RINT1: variants seen among roughly 807,000 people sequenced by gnomAD.
The protein encoded by RINT1 is RAD50-interacting protein 1.
RINT1 carries 75 observed loss-of-function variants against 97.7 expected under a neutral mutation model. The ratio of observed to expected loss-of-function variants is 0.77; its 90% CI spans 0.64 to 0.93. The LOEUF is 0.93. Ranked by LOEUF, RINT1 falls within the 40% of genes least tolerant of loss-of-function variation. The pLI is 0.00. For missense variants in RINT1, 892 were observed against 925.2 expected, an observed-to-expected ratio of 0.96 and a Z score of 0.47; for synonymous variants, 303 against 326.3, an observed-to-expected ratio of 0.93 and a Z score of 0.77.
rs1330918441 is a variant in RINT1, at chr7:105,547,003, A to T, written c.609A>T (p.Glu203Asp). The T allele has an allele frequency of 1.6e-5, 26 of 1,613,886 alleles. No homozygotes were observed. Among genetic ancestry groups the T allele is most frequent in the Non-Finnish European group, 2.0e-5 (24 of 1,179,876 alleles). ...CAGAACTTGACATTAAACTTCAGGA[A>T]TCATCTTGTACTCATCTTCTTGGTT... ...SMAELDIKLQ[E>D]SSCTHLLGFM... Residue 203 changes from glutamate to aspartate, a missense_variant, in exon 5 of 15, where the codon GAA (glutamate) becomes GAT (aspartate). Coordinates refer to ENST00000257700, the MANE Select transcript of RINT1 (RefSeq NM_021930.6).
At chr7:105,542,207 T>TC in intron 3 of RINT1, 3 of 511,194 alleles carry the variant, frequency 5.9e-6, no homozygotes, top group Non-Finnish European at 6.9e-6. Context: ...TAGTGGTGCA[T>TC]ATGTGTAGTC....
chr7:105,557,473 G>A (rs1430376420), intron 11 of RINT1, among the ~76,000 whole-genome samples: 1 of 151,862 alleles, frequency 6.6e-6, no homozygotes, highest in African/African-American at 2.4e-5. Flanking sequence ...AATAAAACAG[G>A]AAATAAAAGC....
intron 3 of RINT1, among the ~76,000 whole-genome samples, chr7:105,539,577 C>G (rs886066198): frequency 1.3e-5 from 2 of 152,044 alleles, no homozygotes; most frequent in African/African-American, 4.8e-5. Context: ...TCAGGTTGGT[C>G]TCAAACTCCC....
intron 7 of RINT1, 120 bp from the exon 8 acceptor site, chr7:105,549,935 T>C (rs913916708): frequency 1.6e-6 from 1 of 620,222 alleles, no homozygotes; most frequent in African/African-American, 1.8e-5. Flanking sequence ...TGCTCTTACA[T>C]ACAGGAATTT....
chr7:105,532,225 G>A lies in RINT1; in HGVS notation c.-91G>A. ...TGTGGCACTCAGTCCTACGGCCTCC[G>A]AGGCTGGGTAGTGAGTGTGTCGCTG... On this transcript the variant is annotated 5_prime_UTR_variant, in exon 1 of 15. Coordinates refer to ENST00000257700, the MANE Select transcript of RINT1 (RefSeq NM_021930.6). The A allele has an allele frequency of 7.0e-7, 1 of 1,426,684 alleles. No individual in the cohort carries two copies. The highest frequency in any genetic ancestry group is 9.5e-7 in the Non-Finnish European group (1 of 1,054,542). 88.4% of individuals were successfully genotyped at this position (1,426,684 alleles called of 1,614,324 possible).
chr7:105,566,051 C>A (rs1195350856), intron 14 of RINT1, among the ~76,000 whole-genome samples: 1 of 151,856 alleles, frequency 6.6e-6, no homozygotes, highest in Non-Finnish European at 1.5e-5. Flanking sequence ...GGGCAGATCA[C>A]AAAGTCAGGA....
rs1475581928 is a variant in RINT1 at position 105,555,088 on chromosome 7, A to G, written c.1532A>G (p.Asp511Gly). 4 of 1,613,910 alleles carry G rather than the reference A, an allele frequency of 2.5e-6. No individual in the cohort carries two copies. In the Admixed American group the frequency reaches 6.7e-5, roughly 27 times the overall value. ...CTTCAGTTCCTGGAGTTACAGAAGG[A>G]CTTAGTAGATGATTTTAGGATACGA... ...RKLQFLELQKDLVDDFRIRLT... is the reference protein window; with the variant it reads ...RKLQFLELQKGLVDDFRIRLT... The change falls in exon 11 of 15, where the codon GAC becomes GGC. Residue 511 changes from aspartate (D) to glycine (G), a missense_variant. Transcript: ENST00000257700.
intron 2 of RINT1, among the ~76,000 whole-genome samples, chr7:105,535,158 ATTTTC>A (rs912123825): frequency 4.2e-5 from 6 of 143,818 alleles, no homozygotes; most frequent in African/African-American, 1.6e-4. Context: ...GTTCTCTCAT[ATTTTC>A]TTTTTTCTGT....
At chr7:105,563,260 G>C (rs192183526) in intron 11 of RINT1, among the ~76,000 whole-genome samples, 2 of 152,186 alleles carry the variant, frequency 1.3e-5, no homozygotes, top group East Asian at 3.9e-4. Flanking sequence ...TGAGGGAGTG[G>C]GGAGACGGTA....
chr7:105,553,899 T>A (rs1376401655), intron 10 of RINT1, among the ~76,000 whole-genome samples: 4 of 116,830 alleles, frequency 3.4e-5, no homozygotes, highest in Admixed American at 8.2e-5. Flanking sequence ...TTTTTTTTTT[T>A]TTTTTTTTTT....
At chr7:105,553,870 G>A (rs1256462206) in intron 10 of RINT1, among the ~76,000 whole-genome samples, 6 of 134,982 alleles carry the variant, frequency 4.4e-5, no homozygotes, top group African/African-American at 1.4e-4. Flanking sequence ...ACAGGCACCC[G>A]TCACCATACC....
intron 11 of RINT1, among the ~76,000 whole-genome samples, chr7:105,558,685 C>T (rs189057363): frequency 6.3e-4 from 96 of 152,132 alleles, no homozygotes; most frequent in Admixed American, 2.0e-3. Flanking sequence ...ATTAGCTGAG[C>T]ATGGTGGCGT....
At chr7:105,559,510 C>T (rs189838574) in intron 11 of RINT1, among the ~76,000 whole-genome samples, 72 of 134,338 alleles carry the variant, frequency 5.4e-4, no homozygotes, top group African/African-American at 2.0e-3. Flanking sequence ...CACTGCACTC[C>T]AGCTTGGGTG....
chr7:105,541,925 A>AT (rs1040675986), intron 3 of RINT1: 3 of 152,572 alleles, frequency 2.0e-5, no homozygotes, highest in Admixed American at 2.0e-4. Context: ...TTTTATTTTT[A>AT]TTTTTTTGTT....
In RINT1 at chr7:105,547,178, T is replaced by C. The variant is rs1458422194; in HGVS notation, c.690-6T>C. 15 of 1,614,048 alleles carry C rather than the reference T, an allele frequency of 9.3e-6. No homozygotes were observed. The highest frequency in any genetic ancestry group is 1.2e-5 in the Non-Finnish European group (14 of 1,180,042). On this transcript the variant is annotated splice_polypyrimidine_tract_variant and splice_region_variant and intron_variant, in intron 5 of 14. Coordinates refer to ENST00000257700, the MANE Select transcript of RINT1 (RefSeq NM_021930.6). ...CTGAAATGTATGTGTTACTTTTCCA[T>C]TGCAGTGATTTTGAGGAAATTTTAG... is the stretch of plus-strand genomic sequence containing the variant.
At chr7:105,563,175 G>A (rs1791514364) in intron 11 of RINT1, among the ~76,000 whole-genome samples, 1 of 152,120 alleles carries the variant, frequency 6.6e-6, no homozygotes, top group Non-Finnish European at 1.5e-5. Context: ...TACGTTGTAT[G>A]ATTTCATTTA....
intron 7 of RINT1, 34 bp from the exon 8 acceptor site, chr7:105,550,021 C>A: frequency 7.5e-7 from 1 of 1,331,902 alleles, no homozygotes; most frequent in Non-Finnish European, 1.1e-6. Context: ...ATTGGAATGA[C>A]TTAAGAATTC....
chr7:105,532,807 A>T lies in RINT1; in HGVS notation c.43-17A>T. On this transcript the variant is annotated splice_polypyrimidine_tract_variant and intron_variant, in intron 1 of 14. Coordinates refer to ENST00000257700, the MANE Select transcript of RINT1 (RefSeq NM_021930.6). The stretch of plus-strand genomic sequence containing the variant: ...ACTTTAATCTTAATGTGCTTGTCAC[A>T]TCTGTTCTTCTTCTAGTGCTGCTCT... The T allele has an allele frequency of 6.2e-7, 1 of 1,613,904 alleles. No individual in the cohort carries two copies. Among genetic ancestry groups the T allele is most frequent in the East Asian group, 2.2e-5 (1 of 44,888 alleles).
At chr7:105,534,673 A>C (rs1418519844) in intron 2 of RINT1, among the ~76,000 whole-genome samples, 1 of 151,944 alleles carries the variant, frequency 6.6e-6, no homozygotes, top group African/African-American at 2.4e-5. Context: ...AAATTGAGGC[A>C]TAGTGTTATG....
Sources: allele counts gnomAD v4.1 joint callset (sites outside exome capture counted in the v4.1 genomes callset), GRCh38; gene constraint gnomAD v4.1.1; transcripts MANE v1.5; gene names NCBI Gene and HGNC (gene_info 2026-07-23, HGNC 2026-07-21).